The following KANSL1 variants were observed in gnomAD, a reference collection of about 807,000 sequenced individuals.
KANSL1 encodes the protein KAT8 regulatory NSL complex subunit 1.
In KANSL1, 22 loss-of-function variants were observed where a neutral mutation model predicts 103.6. That is an observed-to-expected ratio of 0.21 (90% CI 0.15 to 0.30). The LOEUF (loss-of-function observed/expected upper bound fraction) is 0.30, where lower values mean the gene tolerates loss of function less well. Among genes scored for constraint, KANSL1 ranks in the 10% least tolerant of loss-of-function variants. The pLI is 1.00. For synonymous variants in KANSL1, 600 were observed against 527.6 expected (o/e 1.14, Z -1.88); for missense variants, 1,337 against 1,399.8 (o/e 0.96, Z 0.72).
intron 1 of KANSL1, among the ~76,000 whole-genome samples, chr17:46,187,839 A>G (rs1400864758): frequency 6.6e-6 from 1 of 152,218 alleles, no homozygotes; most frequent in African/African-American, 2.4e-5. Context: ...TTTTTCTTTC[A>G]GACTGCCCAA....
At chr17:46,168,502 C>T (rs985329639) in intron 2 of KANSL1, among the ~76,000 whole-genome samples, 11 of 152,292 alleles carry the variant, frequency 7.2e-5, no homozygotes, top group African/African-American at 1.7e-4. Context: ...CGTGTGCCAC[C>T]ACGCCCAACT....
intron 1 of KANSL1, among the ~76,000 whole-genome samples, chr17:46,185,692 T>TACATACAC (rs1555583130): frequency 6.9e-6 from 1 of 144,312 alleles, no homozygotes; most frequent in Non-Finnish European, 1.5e-5. Flanking sequence ...CACACATATA[T>TACATACAC]ACACACACAC....
At chr17:46,045,985 G>C (rs985640808) in intron 7 of KANSL1, 11 of 152,170 alleles carry the variant, frequency 7.2e-5, no homozygotes, top group African/African-American at 2.7e-4. Flanking sequence ...CAGTAATTCA[G>C]AGAGTAACCC....
intron 3 of KANSL1, among the ~76,000 whole-genome samples, chr17:46,092,283 AGATATTTT>A (rs1295985053): frequency 4.6e-5 from 7 of 152,258 alleles, no homozygotes; most frequent in East Asian, 1.9e-4. Context: ...AATACTTTTC[AGATATTTT>A]GATATTTTGA....
chr17:46,031,603 G>A lies in KANSL1; in HGVS notation c.3191C>T (p.Thr1064Ile). Residue 1064 changes from threonine (T) to isoleucine (I), a missense_variant, in exon 15 of 15, where the codon ACT (threonine) becomes ATT (isoleucine). Around this residue, in one of 2 missense-constraint regions of KANSL1, gnomAD observed 780 missense variants for 923.4 expected, o/e 0.84. Transcript: ENST00000432791. ...AGTCTTGCTGCCTGAGGTGCGTCGAGTGCAGCGGGCTGCTCGCTCCTGTGC... is the reference window on the plus strand; with the variant it reads ...AGTCTTGCTGCCTGAGGTGCGTCGAATGCAGCGGGCTGCTCGCTCCTGTGC... ...LDAQERAARC[T>I]RRTSGSKTGR... is the part of the protein sequence containing the mutation. 1 of 1,614,158 alleles carries A rather than the reference G, an allele frequency of 6.2e-7. No homozygotes were observed. Among genetic ancestry groups the A allele is most frequent in the Non-Finnish European group, 8.5e-7 (1 of 1,180,014 alleles).
chr17:46,210,492 A>AGAACAT (rs1407828283), intron 1 of KANSL1, among the ~76,000 whole-genome samples: 1 of 15,774 alleles, frequency 6.3e-5, no homozygotes, highest in African/African-American at 2.4e-4. Context: ...AAAAAAAAAA[A>AGAACAT]AAAAAAAAAA....
chr17:46,180,418 A>T (rs1395861442), intron 1 of KANSL1, among the ~76,000 whole-genome samples: 1 of 152,170 alleles, frequency 6.6e-6, no homozygotes, highest in Non-Finnish European at 1.5e-5. Context: ...GAATCGCTGA[A>T]ACCTGAGCGG....
chr17:46,078,734 C>T (rs897730967), intron 4 of KANSL1, among the ~76,000 whole-genome samples: 2 of 152,038 alleles, frequency 1.3e-5, no homozygotes, highest in African/African-American at 4.8e-5. Context: ...TTGCTCATTA[C>T]TTTTTCTTAA....
At chr17:46,075,012 C>A (rs1009923519) in intron 4 of KANSL1, among the ~76,000 whole-genome samples, 4 of 151,922 alleles carry the variant, frequency 2.6e-5, no homozygotes, top group African/African-American at 9.7e-5. Flanking sequence ...GAGAAAACAC[C>A]AATTTGTGGA....
At chr17:46,213,465 T>C (rs1156623370) in intron 1 of KANSL1, among the ~76,000 whole-genome samples, 2 of 147,156 alleles carry the variant, frequency 1.4e-5, no homozygotes, top group Non-Finnish European at 3.0e-5. Context: ...CACGCCCGGC[T>C]AATTTTTTTT....
intron 2 of KANSL1, among the ~76,000 whole-genome samples, chr17:46,096,319 T>C (rs867927307): frequency 5.8e-4 from 69 of 119,438 alleles, no homozygotes; most frequent in Non-Finnish European, 9.6e-4. Flanking sequence ...TTCTTTTTTT[T>C]TTTTTTTTTT....
chr17:46,201,836 T>C (rs945737088), intron 1 of KANSL1, among the ~76,000 whole-genome samples: 3 of 152,110 alleles, frequency 2.0e-5, no homozygotes, highest in African/African-American at 7.2e-5. Context: ...GCAAAACCTA[T>C]CTCTACCAAA....
intron 2 of KANSL1, among the ~76,000 whole-genome samples, chr17:46,153,922 T>C (rs187846103): frequency 1.3e-5 from 2 of 152,290 alleles, no homozygotes; most frequent in Admixed American, 1.3e-4. Context: ...TGCCTCGATA[T>C]GTAAGGGCTT....
chr17:46,081,045 T>C (rs2078972101), intron 4 of KANSL1, among the ~76,000 whole-genome samples: 1 of 151,344 alleles, frequency 6.6e-6, no homozygotes, highest in Non-Finnish European at 1.5e-5. Context: ...TCCTAAAGAG[T>C]GTGTGTGTAC....
upstream of KANSL1, chr17:46,196,690 G>T: frequency 3.7e-6 from 1 of 267,162 alleles, no homozygotes; most frequent in Admixed American, 4.9e-5. Context: ...ATTTGAGTTA[G>T]GTTCCTTATA....
At chr17:46,203,112 G>T (rs2047857063) in intron 1 of KANSL1, among the ~76,000 whole-genome samples, 1 of 152,158 alleles carries the variant, frequency 6.6e-6, no homozygotes. Context: ...TGCGCCTGTA[G>T]TCCCAGCTAC....
intron 4 of KANSL1, among the ~76,000 whole-genome samples, chr17:46,072,590 T>A (rs987318001): frequency 3.3e-5 from 5 of 152,164 alleles, no homozygotes; most frequent in African/African-American, 1.2e-4. Context: ...CACCAAAATA[T>A]TGCTGGCCTA....
chr17:46,140,045 G>C (rs1326817336), intron 2 of KANSL1, among the ~76,000 whole-genome samples: 1 of 152,094 alleles, frequency 6.6e-6, no homozygotes, highest in Non-Finnish European at 1.5e-5. Flanking sequence ...ATAAATGAAA[G>C]TAATCCCTTC....
At chr17:46,039,580 AT>A in intron 8 of KANSL1, 121 bp downstream of exon 8, 3 of 1,113,124 alleles carry the variant, frequency 2.7e-6, no homozygotes, top group Admixed American at 5.3e-5. Context: ...TGTGAGCTGA[AT>A]TTTTTATCGG....
Sources: gnomAD v4.1 joint callset for allele counts (sites outside exome capture counted in the v4.1 genomes callset) on GRCh38, gnomAD v4.1.1 for gene constraint, gnomAD v4.1.1 regional missense constraint, MANE v1.5 for transcripts, NCBI Gene and HGNC (gene_info 2026-07-23, HGNC 2026-07-21) for gene names.